Variants in MLLT1 observed in about 807,000 individuals in gnomAD.
MLLT1 encodes protein ENL.
In MLLT1, 11 loss-of-function variants were observed where a neutral mutation model predicts 55.1. That is an observed-to-expected ratio of 0.20 (90% CI 0.13 to 0.33). MLLT1 has a LOEUF of 0.33. MLLT1 is among the 10% of genes least tolerant of loss of function. The pLI is 1.00. For synonymous variants in MLLT1, 323 were observed against 320.1 expected, an observed-to-expected ratio of 1.01 and a Z score of -0.10; for missense variants, 536 against 760.6, an observed-to-expected ratio of 0.70 and a Z score of 3.47.
Position 6,222,142 on chromosome 19 carries a change from G to T in MLLT1, c.1089C>A (p.Asp363Glu), listed in dbSNP as rs371988320. The change falls in exon 6 of 12, where the codon GAC (aspartate) becomes GAA (glutamate). Residue 363 changes from aspartate to glutamate, a missense_variant. This residue lies in a region of MLLT1 where 449 missense variants were observed against 489.0 expected (regional missense o/e 0.92). Transcript: ENST00000252674. The surrounding 1 kb of genome is among the most constrained non-coding windows in gnomAD (Gnocchi z 4.1). ...TCACCTCGGACTTGAAGGAGGCCTC[G>T]TCCTCTGAGTTGGACTCCTCCACCT... ...ALEVEESNSE[D>E]EASFKSESAQ... 2.0e-6 allele frequency: 3 copies of T among 1,531,782 alleles called. No homozygotes were observed. Among genetic ancestry groups the T allele is most frequent in the Non-Finnish European group, 8.8e-7 (1 of 1,137,386 alleles). 94.9% of individuals were successfully genotyped at this position (1,531,782 alleles called of 1,614,324 possible). A position where few individuals can be genotyped will look rare whatever the true frequency, so the allele number is the denominator to read the frequency against.
At chr19:6,245,516 C>G (rs1033182160) in intron 3 of MLLT1, among the ~76,000 whole-genome samples, 3 of 151,142 alleles carry the variant, frequency 2.0e-5, no homozygotes, top group Non-Finnish European at 3.0e-5. Context: ...CGAGACCATC[C>G]TGGCTAACAT....
chr19:6,278,859 C>G (rs1188721368), intron 1 of MLLT1, among the ~76,000 whole-genome samples: 1 of 152,086 alleles, frequency 6.6e-6, no homozygotes, highest in African/African-American at 2.4e-5. Context: ...TGACCAGGGC[C>G]TGAAACTAGA....
chr19:6,214,123 C>T lies in MLLT1; in HGVS notation c.1308-85G>A, dbSNP rs187089032. The T allele has an allele frequency of 4.6e-4, 379 of 817,562 alleles. No individual in the cohort carries two copies. In the African/African-American group the frequency reaches 5.8e-3, roughly 13 times the overall value. The allele number at this position is 817,562 out of a possible 1,614,324, so 50.6% of individuals were successfully genotyped here. On this transcript the variant is annotated intron_variant, in intron 8 of 11. Transcript: ENST00000252674. Reference sequence around the variant, plus strand: ...CCCAGGCTCAAGCCTCTGCCCCGCACGGAGTCGGTGCCTGAGCCCACACAC... The same window carrying T: ...CCCAGGCTCAAGCCTCTGCCCCGCATGGAGTCGGTGCCTGAGCCCACACAC...
At chr19:6,217,648 G>A (rs537939831) in intron 7 of MLLT1, among the ~76,000 whole-genome samples, 183 of 152,298 alleles carry the variant, frequency 1.2e-3, no homozygotes, top group Non-Finnish European at 2.2e-3. Context: ...GTCCCCAGCA[G>A]CACAGGGAGA....
Position 6,216,508 on chromosome 19 carries a change from G to A in MLLT1, c.1204C>T (p.Leu402=), listed in dbSNP as rs1300033216. ...TGCAGGTCCTCCACCATGGAGCGCA[G>A]GGGTCCTGGGGAGGCGGGGCAGGGA... ...EPSQNHSQGP[L]RSMVEDLQSE... is the part of the protein sequence containing the mutation. Residue 402 remains leucine (L), a synonymous_variant, in exon 8 of 12, where the codon CTG becomes TTG. Coordinates refer to ENST00000252674, the MANE Select transcript of MLLT1 (RefSeq NM_005934.4). The A allele has an allele frequency of 1.9e-6, 3 of 1,590,666 alleles. No individual in the cohort carries two copies. Among genetic ancestry groups the A allele is most frequent in the Non-Finnish European group, 1.7e-6 (2 of 1,169,256 alleles).
At chr19:6,255,084 G>T (rs1378539774) in intron 3 of MLLT1, among the ~76,000 whole-genome samples, 2 of 152,072 alleles carry the variant, frequency 1.3e-5, no homozygotes, top group Non-Finnish European at 1.5e-5. Flanking sequence ...CAGAGAGGAG[G>T]TCTACAGGAA....
chr19:6,214,071 T>G, intron 8 of MLLT1, 33 bp from the exon 9 acceptor site: 1 of 1,307,724 alleles, frequency 7.6e-7, no homozygotes, highest in Non-Finnish European at 1.0e-6. Context: ...ATCAGGCCCC[T>G]GCCGCCACCA....
chr19:6,229,434 T>TCCC lies in MLLT1; in HGVS notation c.420+1133_420+1135dup, dbSNP rs1437809363. Among the ~76,000 whole-genome samples, 7 of 151,496 alleles carry TCCC rather than the reference T, an allele frequency of 4.6e-5. No individual in the cohort carries two copies. The highest frequency in any genetic ancestry group is 7.4e-5 in the Non-Finnish European group (5 of 67,890). ...ATGCCCCATGAGGAGGAAGGAGGACTCCCCAGCCTGACACCCACAGCCACG... is the reference window on the plus strand; with the variant it reads ...ATGCCCCATGAGGAGGAAGGAGGACTCCCCCCCAGCCTGACACCCACAGCCACG... On this transcript the variant is annotated intron_variant, in intron 4 of 11. Coordinates refer to ENST00000252674, the MANE Select transcript of MLLT1 (RefSeq NM_005934.4). This position sits in a 1 kb window ranked among gnomAD's most constrained non-coding sequence, Gnocchi z 5.2.
rs2091313268 is a variant in MLLT1, at chr19:6,262,408, C to T, written c.194-98G>A. ...GCACCCCTCAACCCCACCACCTCCT[C>T]ACAGGGGCTTGGCTGGCCTCTCGGG... On this transcript the variant is annotated intron_variant, in intron 2 of 11. Coordinates refer to ENST00000252674, the MANE Select transcript of MLLT1 (RefSeq NM_005934.4). The surrounding 1 kb of genome is among the most constrained non-coding windows in gnomAD (Gnocchi z 4.4). The T allele has an allele frequency of 9.9e-7, 1 of 1,009,430 alleles. No individual in the cohort carries two copies. The allele number at this position is 1,009,430 out of a possible 1,614,324, so 62.5% of individuals were successfully genotyped here. A position where few individuals can be genotyped will look rare whatever the true frequency, so the allele number is the denominator to read the frequency against.
chr19:6,236,091 G>A (rs779078289), intron 3 of MLLT1, among the ~76,000 whole-genome samples: 1 of 152,174 alleles, frequency 6.6e-6, no homozygotes, highest in Non-Finnish European at 1.5e-5. Flanking sequence ...AAATACTCAT[G>A]TATCCACCAA....
At chr19:6,276,017 C>G (rs1489229781) in intron 1 of MLLT1, among the ~76,000 whole-genome samples, 3 of 152,192 alleles carry the variant, frequency 2.0e-5, no homozygotes, top group Admixed American at 2.0e-4. Flanking sequence ...TGTCACCAGA[C>G]CAGGTGGGCC....
In MLLT1 at chr19:6,256,141, TG is replaced by T. The variant is rs2091255076; in HGVS notation, c.276+6086del. Among the ~76,000 whole-genome samples the T allele has an allele frequency of 6.6e-6, 1 of 151,412 alleles. No individual in the cohort carries two copies. The highest frequency in any genetic ancestry group is 2.4e-5 in the African/African-American group (1 of 41,088). The stretch of plus-strand genomic sequence containing the variant: ...CTGAGGCAGGAGAATCGCTTGAACC[TG>T]GGAGGCAGAGGTTGCGATGAGCCAG... On this transcript the variant is annotated intron_variant, in intron 3 of 11. Transcript: ENST00000252674. The surrounding 1 kb of genome is among the most constrained non-coding windows in gnomAD (Gnocchi z 4.1).
rs776081296 is a variant in MLLT1 at position 6,213,033 on chromosome 19, G to A, written c.*9C>T. Reference sequence around the variant, plus strand: ...CCCCGGCGGTGGGGGCCCGGCACGCGGCCCAGGGTCATGTGGCCACGGCCT... The same window carrying A: ...CCCCGGCGGTGGGGGCCCGGCACGCAGCCCAGGGTCATGTGGCCACGGCCT... On this transcript the variant is annotated 3_prime_UTR_variant, in exon 12 of 12. Transcript: ENST00000252674. 3.1e-6 allele frequency: 5 copies of A among 1,612,070 alleles called. No homozygotes were observed. The highest frequency in any genetic ancestry group is 2.7e-5 in the African/African-American group (2 of 74,842).
intron 2 of MLLT1, among the ~76,000 whole-genome samples, chr19:6,265,934 G>A (rs949061198): frequency 8.6e-5 from 13 of 151,960 alleles, no homozygotes; most frequent in African/African-American, 2.9e-4. Context: ...AGCCGAGAAC[G>A]CGCCACTGCA....
chr19:6,222,105 C>A lies in MLLT1; in HGVS notation c.1110+16G>T. 6.7e-7 allele frequency: 1 copy of A among 1,496,830 alleles called. No individual in the cohort carries two copies. The highest frequency in any genetic ancestry group is 8.9e-7 in the Non-Finnish European group (1 of 1,121,142). The allele number at this position is 1,496,830 out of a possible 1,614,324, so 92.7% of individuals were successfully genotyped here. The stretch of plus-strand genomic sequence containing the variant: ...ACTGCCTGCACCTGGCTGCCCTGCC[C>A]CCAGCACTCACTCACCTCGGACTTG... On this transcript the variant is annotated intron_variant, in intron 6 of 11. Transcript: ENST00000252674. The surrounding 1 kb of genome is among the most constrained non-coding windows in gnomAD (Gnocchi z 4.1).
chr19:6,216,696 G>A (rs776921851), intron 7 of MLLT1, 183 bp from the exon 8 acceptor site: 18 of 576,202 alleles, frequency 3.1e-5, no homozygotes, highest in African/African-American at 9.5e-5. Flanking sequence ...GCAGCCACCC[G>A]CTTCCCCTAG....
At chr19:6,234,926 A>C (rs1207218574) in intron 3 of MLLT1, among the ~76,000 whole-genome samples, 1 of 152,212 alleles carries the variant, frequency 6.6e-6, no homozygotes, top group Non-Finnish European at 1.5e-5. Flanking sequence ...CAAGACTTTA[A>C]ACACTGGCAT....
At chr19:6,279,482 G>A (rs964947312) in intron 1 of MLLT1, among the ~76,000 whole-genome samples, 2 of 151,988 alleles carry the variant, frequency 1.3e-5, no homozygotes, top group Admixed American at 6.5e-5. Context: ...TCGGACTGGC[G>A]TTCCGAGGGG....
Position 6,270,389 on chromosome 19 carries a change from G to C in MLLT1, c.193+190C>G, listed in dbSNP as rs8103614. 6.6e-6 allele frequency among the ~76,000 whole-genome samples: 1 copy of C among 151,910 alleles called. No individual in the cohort carries two copies. Among genetic ancestry groups the C allele is most frequent in the African/African-American group, 2.4e-5 (1 of 41,336 alleles). ...ACAACAGACCGCCACCACCTCCTTCGGTTCTTCCTACGACTAACTCAACAG... is the reference window on the plus strand; with the variant it reads ...ACAACAGACCGCCACCACCTCCTTCCGTTCTTCCTACGACTAACTCAACAG... On this transcript the variant is annotated intron_variant, in intron 2 of 11. Coordinates refer to ENST00000252674, the MANE Select transcript of MLLT1 (RefSeq NM_005934.4). This position sits in a 1 kb window ranked among gnomAD's most constrained non-coding sequence, Gnocchi z 7.1.
Sources: gnomAD v4.1 joint callset for allele counts (sites outside exome capture counted in the v4.1 genomes callset) on GRCh38, gnomAD v4.1.1 for gene constraint, gnomAD v4.1.1 regional missense constraint, Gnocchi (gnomAD v3.1) non-coding constraint, MANE v1.5 for transcripts, NCBI Gene and HGNC (gene_info 2026-07-23, HGNC 2026-07-21) for gene names.